Variants in LMO7 observed in about 807,000 individuals in gnomAD.
LMO7 encodes the protein LIM domain 7.
In LMO7, 120 loss-of-function variants were observed where a neutral mutation model predicts 206.5. The ratio of observed to expected loss-of-function variants is 0.58; its 90% CI spans 0.50 to 0.68. The LOEUF (loss-of-function observed/expected upper bound fraction) is 0.68. Ranked by LOEUF, LMO7 falls within the 30% of genes least tolerant of loss-of-function variation. LMO7 has a pLI of 0.00. For synonymous variants in LMO7, 706 were observed against 681.5 expected (o/e 1.04, Z -0.56); for missense variants, 1,959 against 1,957.9 (o/e 1.00, Z -0.01).
At chr13:75,730,321 G>A (rs562240894) in intron 3 of LMO7, among the ~76,000 whole-genome samples, 17 of 152,220 alleles carry the variant, frequency 1.1e-4, no homozygotes, top group South Asian at 4.1e-4. Flanking sequence ...TTATTGGTCT[G>A]TTCAGAGATT....
intron 5 of LMO7, 38 bp from the exon 6 acceptor site, chr13:75,796,598 G>A (rs1277900077): frequency 3.9e-6 from 5 of 1,290,006 alleles, no homozygotes; most frequent in African/African-American, 1.5e-5. Context: ...GTTGCTAATC[G>A]ACTGATCTTG....
rs1207248270 is a variant in LMO7 at position 75,835,318 on chromosome 13, C to T, written c.3312C>T (p.Phe1104=). Residue 1104 remains phenylalanine, a synonymous_variant, in exon 18 of 31, where the codon TTC becomes TTT. Coordinates refer to ENST00000377534, the MANE Select transcript of LMO7 (RefSeq NM_001306080.2). The stretch of plus-strand genomic sequence containing the variant: ...CAAATCTATCTGTAACAACTGATTT[C>T]TCCGAAAGCCTTCAGAGTTCTGTGA... ...KSSNLSVTTD[F]SESLQSSNIE... The T allele has an allele frequency of 1.2e-6, 2 of 1,603,210 alleles. No homozygotes were observed. Among genetic ancestry groups the T allele is most frequent in the East Asian group, 2.3e-5 (1 of 44,362 alleles).
At chr13:75,780,232 G>T (rs149999158) in intron 4 of LMO7, among the ~76,000 whole-genome samples, 1 of 152,092 alleles carries the variant, frequency 6.6e-6, no homozygotes, top group Admixed American at 6.5e-5. Flanking sequence ...CTAGAATTTC[G>T]CCAGGCTGGA....
chr13:75,759,674 A>C (rs2047982367), intron 3 of LMO7, among the ~76,000 whole-genome samples: 1 of 152,172 alleles, frequency 6.6e-6, no homozygotes, highest in African/African-American at 2.4e-5. Flanking sequence ...GCCTGTACAA[A>C]TAGTGACTTT....
chr13:75,776,174 T>TCGG (rs1342317731), intron 4 of LMO7, among the ~76,000 whole-genome samples: 1 of 59,952 alleles, frequency 1.7e-5, no homozygotes, highest in East Asian at 5.9e-4. Context: ...TATATATATA[T>TCGG]ATATATATAT....
intron 4 of LMO7, among the ~76,000 whole-genome samples, chr13:75,765,823 C>T (rs972669029): frequency 4.6e-5 from 7 of 152,088 alleles, no homozygotes; most frequent in Admixed American, 2.0e-4. Flanking sequence ...CAGATAGCCA[C>T]GTTTCTGAAT....
rs772154259 is a variant in LMO7 at position 75,727,028 on chromosome 13, G to A, written c.141-1G>A. The A allele has an allele frequency of 3.2e-6, 5 of 1,546,492 alleles. No homozygotes were observed. In the South Asian group the frequency reaches 4.5e-5, roughly 14 times the overall value. ...TGCATCTGTTATTTATTTACTTTCA[G>A]TTTGATTAATAAGCTTAAACCTGGC... On this transcript the variant is annotated splice_acceptor_variant, in intron 2 of 30. Coordinates refer to ENST00000377534, the MANE Select transcript of LMO7 (RefSeq NM_001306080.2). LOFTEE classifies it high-confidence loss of function.
At chr13:75,735,399 T>C (rs940813023) in intron 3 of LMO7, among the ~76,000 whole-genome samples, 1 of 152,002 alleles carries the variant, frequency 6.6e-6, no homozygotes, top group African/African-American at 2.4e-5. Context: ...CTACTAGTAA[T>C]ACAGTGAGTC....
At chr13:75,684,675 G>A (rs1368289243) in intron 1 of LMO7, among the ~76,000 whole-genome samples, 5 of 151,750 alleles carry the variant, frequency 3.3e-5, no homozygotes, top group African/African-American at 7.3e-5. Flanking sequence ...GGGAGGCTTC[G>A]AAATCCTGTA....
chr13:75,820,976 C>A (rs149059779), intron 13 of LMO7, among the ~76,000 whole-genome samples: 2 of 144,994 alleles, frequency 1.4e-5, no homozygotes, highest in South Asian at 4.4e-4. Context: ...CCAGCCTGGA[C>A]GACAGAGCGA....
intron 1 of LMO7, among the ~76,000 whole-genome samples, chr13:75,675,691 C>G (rs1296375079): frequency 6.6e-6 from 1 of 152,138 alleles, no homozygotes; most frequent in Non-Finnish European, 1.5e-5. Context: ...CTTTCTGAGA[C>G]AGAGCTCTGT....
chr13:75,856,452 C>T (rs2060963374), intron 29 of LMO7, 54 bp from the exon 30 acceptor site: 1 of 1,119,060 alleles, frequency 8.9e-7, no homozygotes, highest in African/African-American at 1.5e-5. Flanking sequence ...CAGGAGTGCC[C>T]CAAGCTTTCT....
intron 2 of LMO7, among the ~76,000 whole-genome samples, chr13:75,722,919 GA>G (rs2044145644): frequency 6.6e-6 from 1 of 152,170 alleles, no homozygotes; most frequent in South Asian, 2.1e-4. Context: ...ACTCAGGAAT[GA>G]AAAACCAAAT....
At chr13:75,766,361 T>A (rs1263598282) in intron 4 of LMO7, among the ~76,000 whole-genome samples, 1 of 151,848 alleles carries the variant, frequency 6.6e-6, no homozygotes, top group Admixed American at 6.6e-5. Flanking sequence ...GGTATAGGCA[T>A]TGGGGGTATG....
In LMO7 at chr13:75,823,657, A is replaced by C. The variant is rs761822240; in HGVS notation, c.2733A>C (p.Ala911=). The part of the protein sequence containing the change: ...VVSTPAPSPD[A]SQLASSLSSQ... ...GCACCCCTGCACCAAGCCCGGACGC[A>C]AGCCAACTGGCTTCAAGCTTATCTA... Residue 911 remains alanine (A), a synonymous_variant, in exon 15 of 31, where the codon GCA becomes GCC. Transcript: ENST00000377534. 1 of 1,614,212 alleles carries C rather than the reference A, an allele frequency of 6.2e-7. No individual in the cohort carries two copies. The highest frequency in any genetic ancestry group is 1.3e-5 in the African/African-American group (1 of 75,062).
chr13:75,745,415 T>G (rs2046761058), intron 3 of LMO7, among the ~76,000 whole-genome samples: 2 of 152,160 alleles, frequency 1.3e-5, no homozygotes, highest in Admixed American at 6.5e-5. Flanking sequence ...TATGTGAGTT[T>G]TATCTCAATA....
At chr13:75,759,864 C>T (rs779365348) in intron 3 of LMO7, among the ~76,000 whole-genome samples, 2 of 152,080 alleles carry the variant, frequency 1.3e-5, no homozygotes, top group Non-Finnish European at 2.9e-5. Flanking sequence ...CTGTGAAAGT[C>T]GCCTCTTAGG....
chr13:75,737,782 T>TAA (rs71127577), intron 3 of LMO7, among the ~76,000 whole-genome samples: 5,779 of 36,244 alleles, frequency 0.16, 723 homozygotes, highest in East Asian at 0.33. Context: ...TAAAATAAAA[T>TAA]AAAAAAAAAA....
intron 1 of LMO7, among the ~76,000 whole-genome samples, chr13:75,711,072 A>T (rs370953562): frequency 2.0e-5 from 3 of 151,902 alleles, no homozygotes; most frequent in Non-Finnish European, 2.9e-5. Context: ...GGTTTTTGTC[A>T]TTGGTTCTGT....
Sources: allele counts gnomAD v4.1 joint callset (sites outside exome capture counted in the v4.1 genomes callset), GRCh38; gene constraint gnomAD v4.1.1; transcripts MANE v1.5; gene names NCBI Gene and HGNC (gene_info 2026-07-23, HGNC 2026-07-21).